Variants in AKAP13 observed in about 807,000 individuals in gnomAD.
The protein encoded by AKAP13 is A-kinase anchor protein 13.
AKAP13 carries 80 observed loss-of-function variants against 264.5 expected under a neutral mutation model. The ratio of observed to expected loss-of-function variants is 0.30; its 90% confidence interval spans 0.25 to 0.36. The LOEUF is 0.36. AKAP13 is among the 10% of genes least tolerant of loss of function. The pLI, the probability that AKAP13 is intolerant of heterozygous loss-of-function variation, is 1.00. For synonymous variants in AKAP13, 1,380 were observed against 1,250.2 expected, an observed-to-expected ratio of 1.10 and a Z score of -2.19; for missense variants, 3,712 against 3,435.2, an observed-to-expected ratio of 1.08 and a Z score of -2.01.
intron 1 of AKAP13, among the ~76,000 whole-genome samples, chr15:85,434,814 C>T (rs1389018713): frequency 8.4e-4 from 126 of 149,620 alleles, no homozygotes; most frequent in African/African-American, 2.8e-3. Flanking sequence ...ACCGAAAACC[C>T]ATCTGTACAT....
intron 5 of AKAP13, among the ~76,000 whole-genome samples, chr15:85,574,579 C>G (rs963475698): frequency 2.0e-5 from 3 of 152,180 alleles, no homozygotes; most frequent in African/African-American, 7.2e-5. Context: ...ATTATATTGA[C>G]AAGTGTTGAA....
At chr15:85,503,339 G>A (rs1440886312) in intron 2 of AKAP13, among the ~76,000 whole-genome samples, 1 of 152,190 alleles carries the variant, frequency 6.6e-6, no homozygotes, top group Non-Finnish European at 1.5e-5. Flanking sequence ...GGTAACAAGG[G>A]AAGCTGGTAT....
chr15:85,445,133 A>G lies in AKAP13; in HGVS notation c.-11-40577A>G, dbSNP rs192079617. Reference sequence around the variant, plus strand: ...GGAAACTATCTGATCAAAAAAACCTATGATCAAAACAGTTCTTTGGAATGA... The same window carrying G: ...GGAAACTATCTGATCAAAAAAACCTGTGATCAAAACAGTTCTTTGGAATGA... On this transcript the variant is annotated intron_variant, in intron 1 of 36. Transcript: ENST00000394518. 4.3e-4 allele frequency among the ~76,000 whole-genome samples: 66 copies of G among 152,316 alleles called. No individual in the cohort carries two copies. The East Asian group carries it at 0.012, about 27-fold the overall frequency.
chr15:85,604,030 C>G (rs1296762781), intron 8 of AKAP13, among the ~76,000 whole-genome samples: 1 of 152,058 alleles, frequency 6.6e-6, no homozygotes, highest in Non-Finnish European at 1.5e-5. Flanking sequence ...TGTTGAGTGT[C>G]TCAAAAGAAA....
intron 35 of AKAP13, 137 bp from the exon 36 acceptor site, chr15:85,743,355 C>T (rs2089198645): frequency 2.4e-5 from 20 of 821,264 alleles, no homozygotes; most frequent in South Asian, 7.1e-5. Context: ...AGTCCACAGA[C>T]GTGAGCTCTG....
chr15:85,715,998 A>C, intron 20 of AKAP13, 75 bp downstream of exon 20: 6 of 1,523,412 alleles, frequency 3.9e-6, no homozygotes, highest in Non-Finnish European at 5.2e-6. Flanking sequence ...CATATGACAA[A>C]AAGCTTTTTT....
At chr15:85,474,256 A>G (rs1027634374) in intron 1 of AKAP13, among the ~76,000 whole-genome samples, 3 of 152,208 alleles carry the variant, frequency 2.0e-5, no homozygotes, top group Admixed American at 1.3e-4. Flanking sequence ...AGTTTAAAAC[A>G]TATATTCCTG....
intron 3 of AKAP13, among the ~76,000 whole-genome samples, chr15:85,524,608 G>A (rs1440269908): frequency 6.6e-6 from 1 of 152,016 alleles, no homozygotes; most frequent in Non-Finnish European, 1.5e-5. Flanking sequence ...CCAAAGGATT[G>A]ATTAACCTTC....
At chr15:85,693,558 G>A (rs937536566) in intron 17 of AKAP13, 107 bp downstream of exon 17, 3 of 1,503,800 alleles carry the variant, frequency 2.0e-6, no homozygotes, top group Admixed American at 2.6e-5. Context: ...TTTATGTGGA[G>A]AAGTAACCCT....
Position 85,434,975 on chromosome 15 carries a change from G to C in AKAP13, c.-11-50735G>C, listed in dbSNP as rs1448593366. ...AACGGAACAAAGCTGGATGGAGAAT[G>C]ACTTTGACGAGCTGAGAGAAGAAGG... On this transcript the variant is annotated intron_variant, in intron 1 of 36. Coordinates refer to ENST00000394518, the MANE Select transcript of AKAP13 (RefSeq NM_007200.5). Among the ~76,000 whole-genome samples the C allele has an allele frequency of 2.7e-3, 402 of 151,616 alleles. 3 individuals carry two copies. Among genetic ancestry groups the C allele is most frequent in the African/African-American group, 9.3e-3 (385 of 41,380 alleles).
At position 85,409,040 on chromosome 15, in the gene AKAP13, C is replaced by G. The variant is rs374587603; in HGVS notation, c.-12+28242C>G. Among the ~76,000 whole-genome samples, 30 of 151,604 alleles carry G rather than the reference C, an allele frequency of 2.0e-4. 1 individual carries two copies. The highest frequency in any genetic ancestry group is 7.3e-4 in the African/African-American group (30 of 41,114). On this transcript the variant is annotated intron_variant, in intron 1 of 36. Coordinates refer to ENST00000394518, the MANE Select transcript of AKAP13 (RefSeq NM_007200.5). ...CATCTTATAGTGTGTGAAGTGATAT[C>G]TCATTGTGGTTTTGATTTGCATTTT...
chr15:85,658,624 G>A (rs1339189481), intron 12 of AKAP13, 34 bp downstream of exon 12: 1 of 1,584,016 alleles, frequency 6.3e-7, no homozygotes, highest in Non-Finnish European at 8.7e-7. Context: ...GACTAACCAT[G>A]TCACCTCTGA....
chr15:85,569,195 C>A (rs995290062), intron 5 of AKAP13, among the ~76,000 whole-genome samples: 10 of 152,120 alleles, frequency 6.6e-5, no homozygotes, highest in Admixed American at 2.0e-4. Context: ...TAAAGACATT[C>A]ATAAAGTAGT....
intron 1 of AKAP13, among the ~76,000 whole-genome samples, chr15:85,461,600 T>G (rs890622264): frequency 3.7e-5 from 5 of 134,490 alleles, no homozygotes; most frequent in Admixed American, 1.5e-4. Flanking sequence ...ACTTTTTAAA[T>G]GGTGTGTTTT....
intron 5 of AKAP13, among the ~76,000 whole-genome samples, chr15:85,548,868 G>C (rs1353660326): frequency 6.7e-6 from 1 of 149,832 alleles, no homozygotes; most frequent in African/African-American, 2.5e-5. Flanking sequence ...TATTTATCTT[G>C]GGTGATTCAC....
chr15:85,669,838 T>C lies in AKAP13; in HGVS notation c.5101+8T>C, dbSNP rs772280382. On this transcript the variant is annotated splice_region_variant and intron_variant, in intron 14 of 36. Transcript: ENST00000394518. ...GCCATCCTGGATTGGACAGTGAGTA[T>C]ACTACTTTTTAAAAAAATTAAATAT... 1.9e-6 allele frequency: 3 copies of C among 1,560,462 alleles called. No individual in the cohort carries two copies. The highest frequency in any genetic ancestry group is 1.4e-5 in the African/African-American group (1 of 73,598).
chr15:85,434,478 G>A (rs1468032182), intron 1 of AKAP13, among the ~76,000 whole-genome samples: 1 of 152,210 alleles, frequency 6.6e-6, no homozygotes, highest in Non-Finnish European at 1.5e-5. Context: ...CACAGCTCAA[G>A]AAGGCCTGCC....
chr15:85,696,999 C>T (rs2085599206), intron 17 of AKAP13, among the ~76,000 whole-genome samples: 1 of 152,272 alleles, frequency 6.6e-6, no homozygotes, highest in Admixed American at 6.5e-5. Flanking sequence ...TCCAAGTTTA[C>T]ACCGTCTGTA....
intron 23 of AKAP13, among the ~76,000 whole-genome samples, chr15:85,720,992 G>A (rs911682744): frequency 3.3e-5 from 5 of 152,202 alleles, no homozygotes; most frequent in African/African-American, 1.2e-4. Context: ...TACAAGTGAT[G>A]ACTTTTCCTC....
Sources: gnomAD v4.1 joint callset for allele counts (sites outside exome capture counted in the v4.1 genomes callset) on GRCh38, gnomAD v4.1.1 for gene constraint, MANE v1.5 for transcripts, NCBI Gene and HGNC (gene_info 2026-07-23, HGNC 2026-07-21) for gene names.